RARB: variants seen among roughly 807,000 people sequenced by gnomAD.
RARB encodes the protein HBV-activated protein.
A neutral mutation model predicts 51.9 loss-of-function variants in RARB; 17 were observed. The observed-to-expected ratio is 0.33, with a 90% CI of 0.22 to 0.49. The LOEUF (loss-of-function observed/expected upper bound fraction) is 0.49, where lower values mean the gene tolerates loss of function less well. Among genes scored for constraint, RARB ranks in the 20% least tolerant of loss-of-function variants. RARB has a pLI of 0.99. For missense variants in RARB, 369 were observed against 550.8 expected, an observed-to-expected ratio of 0.67 and a Z score of 3.30; for synonymous variants, 215 against 195.4, an observed-to-expected ratio of 1.10 and a Z score of -0.84.
intron 4 of RARB, among the ~76,000 whole-genome samples, chr3:25,156,015 C>T (rs1223823331): frequency 6.6e-6 from 1 of 152,140 alleles, no homozygotes; most frequent in Non-Finnish European, 1.5e-5. Context: ...TGCTTTTTCT[C>T]TGTGTGCTTG....
chr3:25,405,523 G>A (rs935394419), intron 5 of RARB, among the ~76,000 whole-genome samples: 1 of 152,324 alleles, frequency 6.6e-6, no homozygotes, highest in Admixed American at 6.5e-5. Context: ...TATGTGGCTA[G>A]AGAATGTCAT....
intron 4 of RARB, among the ~76,000 whole-genome samples, chr3:25,143,711 T>A (rs1382272960): frequency 6.6e-6 from 1 of 152,180 alleles, no homozygotes; most frequent in Non-Finnish European, 1.5e-5. Flanking sequence ...AGTGGATGAG[T>A]ATGCGTACTT....
At chr3:25,252,044 G>T (rs910796338) in intron 5 of RARB, among the ~76,000 whole-genome samples, 1 of 152,080 alleles carries the variant, frequency 6.6e-6, no homozygotes, top group African/African-American at 2.4e-5. Flanking sequence ...TATGATGTGA[G>T]ATAGGGGTCT....
chr3:25,592,595 C>A (rs1409221893), intron 5 of RARB, among the ~76,000 whole-genome samples: 1 of 152,172 alleles, frequency 6.6e-6, no homozygotes, highest in Admixed American at 6.5e-5. Flanking sequence ...GTTTGTTTTG[C>A]TCTGAGTGAG....
At chr3:25,315,369 A>T (rs1468614740) in intron 5 of RARB, among the ~76,000 whole-genome samples, 2 of 152,152 alleles carry the variant, frequency 1.3e-5, no homozygotes, top group African/African-American at 4.8e-5. Context: ...AAATTAAAAT[A>T]CTATACTTTT....
chr3:25,387,894 A>C (rs1262451999), intron 5 of RARB, among the ~76,000 whole-genome samples: 1 of 152,138 alleles, frequency 6.6e-6, no homozygotes, highest in Non-Finnish European at 1.5e-5. Context: ...AAAGAGCATT[A>C]AATGTTTAAC....
chr3:25,291,447 T>C (rs960992597), intron 5 of RARB, among the ~76,000 whole-genome samples: 3 of 150,546 alleles, frequency 2.0e-5, no homozygotes, highest in African/African-American at 4.9e-5. Flanking sequence ...TTAAGAGATA[T>C]GGGTAAAAAT....
chr3:25,584,206 T>C (rs1349542326), intron 5 of RARB, among the ~76,000 whole-genome samples: 1 of 152,162 alleles, frequency 6.6e-6, no homozygotes, highest in African/African-American at 2.4e-5. Flanking sequence ...GTTGATGACC[T>C]ACTGTGTGCC....
intron 2 of RARB, among the ~76,000 whole-genome samples, chr3:24,959,286 T>C (rs1696088017): frequency 6.6e-6 from 1 of 152,118 alleles, no homozygotes; most frequent in Admixed American, 6.6e-5. Flanking sequence ...ATGAATGAAT[T>C]GAAGGGTGGT....
At chr3:24,844,339 G>T (rs1277066021) in intron 1 of RARB, among the ~76,000 whole-genome samples, 1 of 152,206 alleles carries the variant, frequency 6.6e-6, no homozygotes, top group Non-Finnish European at 1.5e-5. Context: ...TTTGGGAACA[G>T]TTTTCTCTTG....
intron 2 of RARB, among the ~76,000 whole-genome samples, chr3:24,867,020 C>T (rs1702862095): frequency 6.6e-6 from 1 of 151,980 alleles, no homozygotes; most frequent in Non-Finnish European, 1.5e-5. Context: ...AGCCATTGGT[C>T]ATCAGATATG....
intron 3 of RARB, among the ~76,000 whole-genome samples, chr3:25,552,099 G>T (rs1437640923): frequency 1.3e-5 from 2 of 152,094 alleles, no homozygotes; most frequent in Non-Finnish European, 1.5e-5. Flanking sequence ...AGACAGCAAA[G>T]CCAATAATCA....
chr3:25,134,707 A>C (rs985899855), intron 4 of RARB, among the ~76,000 whole-genome samples: 24 of 152,104 alleles, frequency 1.6e-4, no homozygotes, highest in African/African-American at 5.3e-4. Context: ...TGTAAGATCC[A>C]GAATGGATTA....
intron 4 of RARB, among the ~76,000 whole-genome samples, chr3:25,173,776 A>G (rs1274322355): frequency 1.3e-5 from 2 of 152,180 alleles, no homozygotes; most frequent in African/African-American, 2.4e-5. Flanking sequence ...TGGTGAGTGC[A>G]TGCTAATGGG....
At chr3:25,229,386 G>T (rs1205614329) in intron 5 of RARB, among the ~76,000 whole-genome samples, 2 of 151,994 alleles carry the variant, frequency 1.3e-5, no homozygotes, top group Non-Finnish European at 2.9e-5. Context: ...AATTGAATTT[G>T]ATAAGTACAA....
intron 4 of RARB, among the ~76,000 whole-genome samples, chr3:25,163,077 T>C (rs1700498270): frequency 6.6e-6 from 1 of 152,212 alleles, no homozygotes; most frequent in African/African-American, 2.4e-5. Flanking sequence ...TATCCTTCCA[T>C]TGCAAAACCT....
chr3:25,419,641 A>C (rs1707804336), intron 5 of RARB, among the ~76,000 whole-genome samples: 1 of 152,164 alleles, frequency 6.6e-6, no homozygotes, highest in Non-Finnish European at 1.5e-5. Context: ...ATTTAAATGC[A>C]CCTGAATAGA....
Position 25,530,241 on chromosome 3 carries a change from G to A in RARB, c.448+28918G>A, listed in dbSNP as rs1314972439. On this transcript the variant is annotated intron_variant, in intron 3 of 7. Coordinates refer to ENST00000330688, the MANE Select transcript of RARB (RefSeq NM_000965.5). The stretch of plus-strand genomic sequence containing the variant: ...AGGAATCCCCTTTGATTCCGTAGGG[G>A]GAAAAACAATGGGAAGAAATGGGTA... 2.6e-5 allele frequency among the ~76,000 whole-genome samples: 4 copies of A among 152,266 alleles called. No homozygotes were observed. The East Asian group carries it at 5.8e-4, about 22-fold the overall frequency.
chr3:25,097,554 C>T (rs934040207), intron 3 of RARB, among the ~76,000 whole-genome samples: 3 of 152,156 alleles, frequency 2.0e-5, no homozygotes, highest in South Asian at 2.1e-4. Flanking sequence ...AGGAGGGAGG[C>T]TCGCTTGAGC....
Sources: gnomAD v4.1 joint callset for allele counts (sites outside exome capture counted in the v4.1 genomes callset) on GRCh38, gnomAD v4.1.1 for gene constraint, MANE v1.5 for transcripts, NCBI Gene and HGNC (gene_info 2026-07-23, HGNC 2026-07-21) for gene names.